MPP7: variants seen among roughly 807,000 people sequenced by gnomAD.
MPP7 encodes MAGUK p55 subfamily member 7.
Under a neutral mutation model 76.5 loss-of-function variants are expected in MPP7, and 60 were observed. The observed-to-expected ratio is 0.78, with a 90% CI of 0.64 to 0.97. MPP7 has a LOEUF of 0.97. MPP7 is among the 50% of genes least tolerant of loss of function. The pLI, the probability that MPP7 is intolerant of heterozygous loss-of-function variation, is 0.00. For missense variants in MPP7, 641 were observed against 694.0 expected, an observed-to-expected ratio of 0.92 and a Z score of 0.86; for synonymous variants, 237 against 244.5, an observed-to-expected ratio of 0.97 and a Z score of 0.29.
intron 1 of MPP7, among the ~76,000 whole-genome samples, chr10:28,246,028 T>C (rs1839423549): frequency 6.7e-6 from 1 of 150,300 alleles, no homozygotes; most frequent in African/African-American, 2.5e-5. Flanking sequence ...ACTATGGGAG[T>C]CTGAGAAGAA....
chr10:28,131,657 T>C lies in MPP7; in HGVS notation c.350A>G (p.Lys117Arg). 1 of 1,602,808 alleles carries C rather than the reference T, an allele frequency of 6.2e-7. No individual in the cohort carries two copies. The highest frequency in any genetic ancestry group is 2.3e-5 in the East Asian group (1 of 43,948). The change falls in exon 6 of 17, where the codon AAG becomes AGG. Residue 117 changes from lysine (K) to arginine (R), a missense_variant. Coordinates refer to ENST00000683449, the MANE Select transcript of MPP7 (RefSeq NM_001318170.2). ...LLSVHDTVAQKNYDPVLPPMP... is the reference protein window; with the variant it reads ...LLSVHDTVAQRNYDPVLPPMP... ...AGGAGGCAACACTGGGTCGTAATTCTTCTGAGCCACAGTATCATGTACAGA... is the reference window on the plus strand; with the variant it reads ...AGGAGGCAACACTGGGTCGTAATTCCTCTGAGCCACAGTATCATGTACAGA...
intron 4 of MPP7, among the ~76,000 whole-genome samples, chr10:28,148,644 A>AT (rs1835784797): frequency 6.6e-6 from 1 of 152,300 alleles, no homozygotes; most frequent in South Asian, 2.1e-4. Flanking sequence ...TTTCTACAGC[A>AT]TTTTTAACTT....
intron 3 of MPP7, among the ~76,000 whole-genome samples, chr10:28,162,551 C>T (rs1836296765): frequency 1.3e-5 from 2 of 152,126 alleles, no homozygotes; most frequent in African/African-American, 2.4e-5. Flanking sequence ...CAAAGAACTC[C>T]AAGTTCAGAG....
intron 5 of MPP7, among the ~76,000 whole-genome samples, chr10:28,144,921 G>T (rs1262922623): frequency 1.3e-5 from 2 of 152,160 alleles, no homozygotes; most frequent in South Asian, 4.1e-4. Context: ...AAGAATAAAT[G>T]AATGAATGAA....
chr10:28,304,991 A>G (rs910748187), upstream of MPP7, among the ~76,000 whole-genome samples: 1 of 152,204 alleles, frequency 6.6e-6, no homozygotes, highest in African/African-American at 2.4e-5. Context: ...ATAAACTTCC[A>G]GACCGGGATC....
intron 3 of MPP7, among the ~76,000 whole-genome samples, chr10:28,201,038 T>G (rs1049949309): frequency 4.6e-5 from 7 of 152,132 alleles, no homozygotes; most frequent in African/African-American, 1.7e-4. Flanking sequence ...CCCAAGACCA[T>G]GCCTAATAAA....
chr10:28,164,540 A>G (rs1213822460), intron 3 of MPP7, among the ~76,000 whole-genome samples: 4 of 152,250 alleles, frequency 2.6e-5, no homozygotes, highest in African/African-American at 9.6e-5. Flanking sequence ...AGTGTGGGTA[A>G]GCGCTCACTT....
intron 11 of MPP7, among the ~76,000 whole-genome samples, chr10:28,111,785 A>C (rs1834513878): frequency 1.3e-5 from 2 of 152,206 alleles, no homozygotes; most frequent in African/African-American, 4.8e-5. Flanking sequence ...TAGCAATTTA[A>C]AAGTTAAATA....
chr10:28,087,582 G>A (rs7478268), intron 12 of MPP7, among the ~76,000 whole-genome samples: 46,456 of 151,912 alleles, frequency 0.31, 8,758 homozygotes, highest in East Asian at 0.88. Context: ...TATTAGTAGA[G>A]ACAGGGTCTT....
rs1851450962 is a variant in MPP7 at position 28,054,009 on chromosome 10, T to C, written c.*56A>G. On this transcript the variant is annotated 3_prime_UTR_variant, in exon 17 of 17. Transcript: ENST00000683449. ...TTTAAAAACCCTACTACCAAAACTG[T>C]AATTGATTTCATCATGCACTCTATA... 7.5e-7 allele frequency: 1 copy of C among 1,334,396 alleles called. No individual in the cohort carries two copies. 82.7% of individuals were successfully genotyped at this position (1,334,396 alleles called of 1,614,324 possible).
chr10:28,308,621 C>T (rs1488515818), intron 2 of MPP7, among the ~76,000 whole-genome samples: 1 of 152,058 alleles, frequency 6.6e-6, no homozygotes, highest in Non-Finnish European at 1.5e-5. Flanking sequence ...GAATGTCACA[C>T]CTATTAATTA....
At chr10:28,257,745 TA>T (rs66568214) in intron 1 of MPP7, among the ~76,000 whole-genome samples, 106,615 of 142,026 alleles carry the variant, frequency 0.75, 40,680 homozygotes, top group Non-Finnish European at 0.86. Context: ...TAAAGTATAA[TA>T]AAAAAAAAAA....
chr10:28,183,968 T>C (rs1005409110), intron 3 of MPP7, among the ~76,000 whole-genome samples: 17 of 152,216 alleles, frequency 1.1e-4, no homozygotes, highest in African/African-American at 4.1e-4. Flanking sequence ...TTCCAGACAA[T>C]ATTTAAAGCA....
intron 7 of MPP7, 132 bp downstream of exon 7, chr10:28,124,878 A>G (rs1332846764): frequency 1.4e-6 from 1 of 729,280 alleles, no homozygotes; most frequent in Non-Finnish European, 2.4e-6. Flanking sequence ...ACATTTCAAC[A>G]CAGAGAAAAA....
chr10:28,180,167 T>C (rs1196120545), intron 3 of MPP7, among the ~76,000 whole-genome samples: 4 of 152,176 alleles, frequency 2.6e-5, no homozygotes, highest in African/African-American at 4.8e-5. Flanking sequence ...AAAATAATTG[T>C]GAAATGTAGT....
At chr10:28,113,932 C>T (rs897582875) in intron 11 of MPP7, among the ~76,000 whole-genome samples, 1 of 152,180 alleles carries the variant, frequency 6.6e-6, no homozygotes, top group African/African-American at 2.4e-5. Context: ...CATGACCTCC[C>T]ATGGCCCGCC....
intron 1 of MPP7, among the ~76,000 whole-genome samples, chr10:28,270,532 A>AAGGC: frequency 6.4e-5 from 1 of 15,514 alleles, no homozygotes; most frequent in Non-Finnish European, 1.2e-4. Flanking sequence ...AAAAAAAAAA[A>AAGGC]GGGGGGGGGG....
At chr10:28,074,307 T>C (rs1852381369) in intron 12 of MPP7, among the ~76,000 whole-genome samples, 1 of 151,980 alleles carries the variant, frequency 6.6e-6, no homozygotes, top group Non-Finnish European at 1.5e-5. Context: ...AACTTGCTTA[T>C]TTTTATTTTT....
At chr10:28,236,026 G>A (rs1172633580) in intron 2 of MPP7, among the ~76,000 whole-genome samples, 4 of 152,140 alleles carry the variant, frequency 2.6e-5, no homozygotes, top group South Asian at 2.1e-4. Context: ...CACTAGTAAC[G>A]CACATTTCAC....
Sources: gnomAD v4.1 joint callset for allele counts (sites outside exome capture counted in the v4.1 genomes callset) on GRCh38, gnomAD v4.1.1 for gene constraint, MANE v1.5 for transcripts, NCBI Gene and HGNC (gene_info 2026-07-23, HGNC 2026-07-21) for gene names.